The following IQSEC3 variants were observed in gnomAD, a reference collection of about 807,000 sequenced individuals.
IQSEC3 encodes the protein IQ motif and Sec7 domain ArfGEF 3.
Under a neutral mutation model 105.4 loss-of-function variants are expected in IQSEC3, and 50 were observed. That is an observed-to-expected ratio of 0.47 (90% CI 0.38 to 0.60). The LOEUF (loss-of-function observed/expected upper bound fraction) is 0.60, where lower values mean the gene tolerates loss of function less well. IQSEC3 is among the 20% of genes least tolerant of loss of function. The pLI, the probability that IQSEC3 is intolerant of heterozygous loss-of-function variation, is 0.00. For synonymous variants in IQSEC3, 708 were observed against 746.0 expected, an observed-to-expected ratio of 0.95 and a Z score of 0.83; for missense variants, 1,415 against 1,630.0, an observed-to-expected ratio of 0.87 and a Z score of 2.27.
intron 7 of IQSEC3, among the ~76,000 whole-genome samples, chr12:160,346 T>G (rs1485000561): frequency 6.6e-6 from 1 of 152,138 alleles, no homozygotes; most frequent in Non-Finnish European, 1.5e-5. Flanking sequence ...TGTAGGGTGA[T>G]TTACTTAAGG....
intron 6 of IQSEC3, 91 bp from the exon 7 acceptor site, chr12:157,437 G>A (rs1866729359): frequency 7.2e-7 from 1 of 1,395,106 alleles, no homozygotes; most frequent in African/African-American, 1.4e-5. Context: ...TCGGAGAGCT[G>A]GGATACCCCC....
chr12:142,891 G>A (rs1200963248), intron 5 of IQSEC3, among the ~76,000 whole-genome samples: 1 of 152,214 alleles, frequency 6.6e-6, no homozygotes, highest in African/African-American at 2.4e-5. Context: ...AAGCCAGGGT[G>A]AGGTGCTGGC....
chr12:101,274 C>A (rs1864413333), intron 2 of IQSEC3, among the ~76,000 whole-genome samples: 1 of 152,192 alleles, frequency 6.6e-6, no homozygotes, highest in African/African-American at 2.4e-5. Flanking sequence ...AGAGAGGCGG[C>A]CCCAGCAGCA....
chr12:83,434 G>A (rs939951923), intron 1 of IQSEC3, among the ~76,000 whole-genome samples: 3 of 152,006 alleles, frequency 2.0e-5, no homozygotes, highest in African/African-American at 4.8e-5. Flanking sequence ...GGTGGCTAGG[G>A]GGAGGATAGC....
At chr12:103,687 G>GGA (rs1864522193) in intron 2 of IQSEC3, among the ~76,000 whole-genome samples, 1 of 32,168 alleles carries the variant, frequency 3.1e-5, no homozygotes, top group Non-Finnish European at 5.5e-5. Flanking sequence ...GGGCTCAGGG[G>GGA]TAGGTGGGGG....
rs1309327118 is a variant in IQSEC3 at position 110,716 on chromosome 12, A to G, written c.623+11502A>G. Among the ~76,000 whole-genome samples, 3 of 152,132 alleles carry G rather than the reference A, an allele frequency of 2.0e-5. No individual in the cohort carries two copies. The East Asian group carries it at 5.8e-4, about 29-fold the overall frequency. On this transcript the variant is annotated intron_variant, in intron 2 of 13. Transcript: ENST00000538872. ...AGCCCAAGTATAAAAATGGGGTCAT[A>G]AAAATTGATCTAGCTGCTCTGCTAA...
At chr12:145,991 C>A (rs1866250465) in intron 5 of IQSEC3, among the ~76,000 whole-genome samples, 1 of 152,240 alleles carries the variant, frequency 6.6e-6, no homozygotes, top group African/African-American at 2.4e-5. Flanking sequence ...TTCCTTCCCT[C>A]CACTGCGTCT....
chr12:110,935 T>A (rs1400044727), intron 2 of IQSEC3, among the ~76,000 whole-genome samples: 1 of 152,184 alleles, frequency 6.6e-6, no homozygotes, highest in Non-Finnish European at 1.5e-5. Flanking sequence ...CTTACATTGT[T>A]CTAATTCTTT....
chr12:78,347 G>A (rs1555069899), intron 1 of IQSEC3, among the ~76,000 whole-genome samples: 2 of 151,942 alleles, frequency 1.3e-5, no homozygotes, highest in Admixed American at 1.3e-4. Flanking sequence ...GGCCGCAGCC[G>A]GGGCTAGTGT....
chr12:115,745 C>T (rs10849566), intron 2 of IQSEC3, among the ~76,000 whole-genome samples: 56,925 of 151,864 alleles, frequency 0.37, 10,943 homozygotes, highest in South Asian at 0.53. Flanking sequence ...TAGTGAGTGG[C>T]GGGATTTTAA....
At chr12:108,546 T>C (rs782694172) in intron 2 of IQSEC3, among the ~76,000 whole-genome samples, 1 of 152,252 alleles carries the variant, frequency 6.6e-6, no homozygotes, top group African/African-American at 2.4e-5. Flanking sequence ...CTTTAAGGTC[T>C]GGTCTAACTT....
intron 2 of IQSEC3, among the ~76,000 whole-genome samples, chr12:122,380 G>A (rs1591680285): frequency 6.6e-6 from 1 of 152,354 alleles, no homozygotes; most frequent in Non-Finnish European, 1.5e-5. Context: ...CACAGAGCTA[G>A]TTAGAAGCAT....
intron 2 of IQSEC3, among the ~76,000 whole-genome samples, chr12:117,538 C>T (rs1315071296): frequency 1.3e-5 from 2 of 152,132 alleles, no homozygotes; most frequent in Non-Finnish European, 2.9e-5. Context: ...CCACATTCGC[C>T]CATGGGGACA....
Position 83,810 on chromosome 12 carries a change from G to A in IQSEC3, c.555-15336G>A, listed in dbSNP as rs541796724. 8.5e-5 allele frequency among the ~76,000 whole-genome samples: 13 copies of A among 152,252 alleles called. No individual in the cohort carries two copies. The East Asian group carries it at 2.5e-3, about 29-fold the overall frequency. On this transcript the variant is annotated intron_variant, in intron 1 of 13. Transcript: ENST00000538872. ...GAGCAGTTCAGCAGGGAGCCCCGGAGCGCCGTGCACCCTTGTTTGGTGTCC... is the reference window on the plus strand; with the variant it reads ...GAGCAGTTCAGCAGGGAGCCCCGGAACGCCGTGCACCCTTGTTTGGTGTCC...
At chr12:172,870 G>A (rs1318042476) in intron 13 of IQSEC3, among the ~76,000 whole-genome samples, 2 of 152,192 alleles carry the variant, frequency 1.3e-5, no homozygotes, top group African/African-American at 4.8e-5. Context: ...GGATGCAGTG[G>A]GGGGACCAGA....
Position 152,410 on chromosome 12 carries a change from G to A in IQSEC3, c.2154-4615G>A. Among the ~76,000 whole-genome samples the A allele has an allele frequency of 6.6e-6, 1 of 152,216 alleles. No individual in the cohort carries two copies. The highest frequency in any genetic ancestry group is 1.9e-4 in the East Asian group (1 of 5,194). ...CCTAGGAAGACATGCATTAGTGCCA[G>A]CCACTGAGCAGCAGAGAGCCAGGGA... On this transcript the variant is annotated intron_variant, in intron 5 of 13. Transcript: ENST00000538872. This position sits in a 1 kb window ranked among gnomAD's most constrained non-coding sequence, Gnocchi z 4.8.
At position 138,996 on chromosome 12, in the gene IQSEC3, C is replaced by T. The variant is rs1555087956; in HGVS notation, c.1633C>T (p.Arg545Trp). The T allele has an allele frequency of 1.3e-6, 2 of 1,528,594 alleles. No individual in the cohort carries two copies. Among genetic ancestry groups the T allele is most frequent in the South Asian group, 1.2e-5 (1 of 81,870 alleles). 94.7% of individuals were successfully genotyped at this position (1,528,594 alleles called of 1,614,324 possible). Residue 545 changes from arginine (R) to tryptophan (W), a missense_variant, in exon 4 of 14, where the codon CGG (arginine) becomes TGG (tryptophan). Around this residue, in one of 6 missense-constraint regions of IQSEC3, gnomAD observed 720 missense variants for 633.0 expected, o/e 1.14. Transcript: ENST00000538872. This position sits in a 1 kb window ranked among gnomAD's most constrained non-coding sequence, Gnocchi z 7.1. ...REAPEAPAVG[R>W]EDASAEDSCA... ...GGCCCCGGAAGCCCCCGCCGTGGGC[C>T]GGGAGGACGCGTCAGCCGAGGACTC...
chr12:175,381 T>A lies in IQSEC3; in HGVS notation c.*348T>A, dbSNP rs368467411. 3.8e-4 allele frequency: 98 copies of A among 257,386 alleles called. 1 individual carries two copies. The highest frequency in any genetic ancestry group is 2.0e-3 in the African/African-American group (92 of 45,050). The allele number at this position is 257,386 out of a possible 1,614,324, so 15.9% of individuals were successfully genotyped here. A position where few individuals can be genotyped will look rare whatever the true frequency, so the allele number is the denominator to read the frequency against. ...AACGAGCTTGCAGGCTTTGAGTCTG[T>A]TAGTGCCCGGGGCCTCGGGCCTTGG... is the stretch of plus-strand genomic sequence containing the variant. On this transcript the variant is annotated 3_prime_UTR_variant, in exon 14 of 14. Coordinates refer to ENST00000538872, the MANE Select transcript of IQSEC3 (RefSeq NM_001170738.2).
In IQSEC3 at chr12:174,722, C is replaced by T. The variant is rs1207000034; in HGVS notation, c.3238C>T (p.Pro1080Ser). 2 of 1,592,682 alleles carry T rather than the reference C, an allele frequency of 1.3e-6. No homozygotes were observed. Among genetic ancestry groups the T allele is most frequent in the South Asian group, 1.1e-5 (1 of 89,546 alleles). Residue 1080 changes from proline to serine, a missense_variant, in exon 14 of 14, where the codon CCG becomes TCG. Pro to Ser is a moderately conservative substitution (Grantham distance 74). Around this residue, in one of 6 missense-constraint regions of IQSEC3, gnomAD observed 419 missense variants for 436.2 expected, o/e 0.96. Coordinates refer to ENST00000538872, the MANE Select transcript of IQSEC3 (RefSeq NM_001170738.2). ...CCCGAGACAGCAGACCCCACCACTG[C>T]CGCCGCCGCCACCCACGCCCCCGGG... ...SPPRQQTPPL[P>S]PPPPTPPGTL...
Sources: allele counts gnomAD v4.1 joint callset (sites outside exome capture counted in the v4.1 genomes callset), GRCh38; gene constraint gnomAD v4.1.1; regional missense constraint gnomAD v4.1.1; non-coding constraint Gnocchi (gnomAD v3.1); transcripts MANE v1.5; gene names NCBI Gene and HGNC (gene_info 2026-07-23, HGNC 2026-07-21).